Variants in PPM1F observed in about 807,000 individuals in gnomAD.
PPM1F encodes the protein protein phosphatase, Mg2+/Mn2+ dependent 1F.
PPM1F carries 17 observed loss-of-function variants against 35.5 expected under a neutral mutation model. The ratio of observed to expected loss-of-function variants is 0.48; its 90% CI spans 0.33 to 0.72. The LOEUF is 0.72. PPM1F is among the 30% of genes least tolerant of loss of function. PPM1F has a pLI of 0.02. For synonymous variants in PPM1F, 241 were observed against 255.5 expected (o/e 0.94, Z 0.54); for missense variants, 521 against 613.0 (o/e 0.85, Z 1.59).
rs2070704973 is a variant in PPM1F at position 21,939,735 on chromosome 22, G to A, written c.207-55C>T. ...AGCCCCCAGCAGGAGACCACACCTA[G>A]CCCCCCTTCCCCAACTGTCAGCCCA... On this transcript the variant is annotated intron_variant, in intron 2 of 7. Transcript: ENST00000263212. The surrounding 1 kb of genome is among the most constrained non-coding windows in gnomAD (Gnocchi z 5.1). 1.9e-6 allele frequency: 3 copies of A among 1,542,714 alleles called. No individual in the cohort carries two copies. Among genetic ancestry groups the A allele is most frequent in the Non-Finnish European group, 2.6e-6 (3 of 1,141,216 alleles).
chr22:21,930,613 C>T (rs1316870693), intron 6 of PPM1F, among the ~76,000 whole-genome samples: 2 of 152,190 alleles, frequency 1.3e-5, no homozygotes, highest in African/African-American at 4.8e-5. Context: ...GAGGGATAAA[C>T]AGTCATTCCA....
At chr22:21,931,315 G>A (rs763164421) in intron 5 of PPM1F, 24 bp from the exon 6 acceptor site, 3 of 1,604,910 alleles carry the variant, frequency 1.9e-6, no homozygotes, top group Middle Eastern at 1.7e-4. Context: ...GGGCCCATGA[G>A]AGTTGAGAGG....
chr22:21,937,479 A>G (rs577891816), intron 3 of PPM1F, among the ~76,000 whole-genome samples: 18 of 152,322 alleles, frequency 1.2e-4, no homozygotes, highest in African/African-American at 4.3e-4. Flanking sequence ...GGCCCAGCTC[A>G]GGGAAGGCAG....
intron 1 of PPM1F, chr22:21,950,979 AATAAT>A (rs1366797927): frequency 6.6e-6 from 1 of 152,198 alleles, no homozygotes; most frequent in Non-Finnish European, 1.5e-5. Flanking sequence ...TACTAATACT[AATAAT>A]AGTTAGATGT....
intron 6 of PPM1F, among the ~76,000 whole-genome samples, chr22:21,926,787 C>G (rs946129598): frequency 2.0e-5 from 3 of 152,212 alleles, no homozygotes; most frequent in Non-Finnish European, 4.4e-5. Context: ...ACAGCACCAG[C>G]TGGGCATGAG....
chr22:21,948,303 C>CG (rs1267372239), intron 1 of PPM1F: 1 of 51,510 alleles, frequency 1.9e-5, no homozygotes, highest in African/African-American at 1.0e-4. Context: ...AGATCGCCAC[C>CG]CCCCCCCCAC....
At chr22:21,937,083 G>C (rs1009434474) in intron 3 of PPM1F, 1 of 152,232 alleles carries the variant, frequency 6.6e-6, no homozygotes, top group African/African-American at 2.4e-5. Flanking sequence ...TGGAACTCCT[G>C]CCAGCCCAGG....
intron 6 of PPM1F, chr22:21,926,009 C>G (rs1194736609): frequency 1.0e-4 from 27 of 260,462 alleles, no homozygotes; most frequent in Admixed American, 8.6e-4. Flanking sequence ...TTCCCTGTCT[C>G]TAGCTCGGGG....
At chr22:21,937,655 T>C (rs1346800087) in intron 3 of PPM1F, 1 of 155,292 alleles carries the variant, frequency 6.4e-6, no homozygotes, top group Non-Finnish European at 1.4e-5. Context: ...CTGGAAACTG[T>C]GGGCTCCTGG....
chr22:21,939,616 C>A lies in PPM1F; in HGVS notation c.271G>T (p.Asp91Tyr). The A allele has an allele frequency of 6.4e-7, 1 of 1,561,370 alleles. No individual in the cohort carries two copies. The highest frequency in any genetic ancestry group is 2.4e-5 in the East Asian group (1 of 42,244). The change falls in exon 3 of 8, where the codon GAC (aspartate) becomes TAC (tyrosine). Residue 91 changes from aspartate to tyrosine, a missense_variant. Around this residue, in one of 3 missense-constraint regions of PPM1F, gnomAD observed 311 missense variants for 351.5 expected, o/e 0.88. Transcript: ENST00000263212. The surrounding 1 kb of genome is among the most constrained non-coding windows in gnomAD (Gnocchi z 5.1). Reference sequence around the variant, plus strand: ...GGCAACTTCCTGAATTCGGAAAGGTCTGTCTGTAGCAGCTGTGAAACTGCT... The same window carrying A: ...GGCAACTTCCTGAATTCGGAAAGGTATGTCTGTAGCAGCTGTGAAACTGCT... ...HEAVSQLLQT[D>Y]LSEFRKLPRE...
Position 21,946,264 on chromosome 22 carries a change from C to A in PPM1F, c.-60-156G>T, listed in dbSNP as rs1016658520. On this transcript the variant is annotated intron_variant, in intron 1 of 7. Coordinates refer to ENST00000263212, the MANE Select transcript of PPM1F (RefSeq NM_014634.4). ...CCTGGCCACTGTTTTGACATGAGTC[C>A]AGGTGGGGACTTGTGGGCATCCAGA... The A allele has an allele frequency of 5.7e-5, 24 of 420,756 alleles. No homozygotes were observed. The Middle Eastern group carries it at 3.6e-3, about 63-fold the overall frequency. 26.1% of individuals were successfully genotyped at this position (420,756 alleles called of 1,614,324 possible).
rs557165928 is a variant in PPM1F, at chr22:21,920,735, G to C, written c.*2357C>G. ...ATCTTCCAGTGGAGCCTCAGGCTAG[G>C]GTATGAATCAGACCACCAGGTGATA... On this transcript the variant is annotated 3_prime_UTR_variant, in exon 8 of 8. Coordinates refer to ENST00000263212, the MANE Select transcript of PPM1F (RefSeq NM_014634.4). 10 of 152,328 alleles carry C rather than the reference G, an allele frequency of 6.6e-5. No homozygotes were observed. The highest frequency in any genetic ancestry group is 2.4e-4 in the African/African-American group (10 of 41,566). The allele number at this position is 152,328 out of a possible 1,614,324, so 9.4% of individuals were successfully genotyped here. A position where few individuals can be genotyped will look rare whatever the true frequency, so the allele number is the denominator to read the frequency against.
chr22:21,928,034 G>C (rs1290034970), intron 6 of PPM1F, among the ~76,000 whole-genome samples: 1 of 131,530 alleles, frequency 7.6e-6, no homozygotes, highest in East Asian at 2.6e-4. Flanking sequence ...GCTCACTGCA[G>C]CCTCGACCTC....
chr22:21,948,989 T>C, intron 1 of PPM1F: 1 of 152,368 alleles, frequency 6.6e-6, no homozygotes, highest in African/African-American at 2.4e-5. Flanking sequence ...ACAATCGGCC[T>C]GTTCCCTCAG....
In PPM1F at chr22:21,923,265, G is replaced by A. The variant is rs745310134; in HGVS notation, c.1192C>T (p.Arg398Trp). The A allele has an allele frequency of 1.1e-5, 17 of 1,613,278 alleles. No individual in the cohort carries two copies. Among genetic ancestry groups the A allele is most frequent in the East Asian group, 6.7e-5 (3 of 44,888 alleles). ...RVAEELVAAA[R>W]ERGSHDNITV... is the part of the protein sequence containing the mutation. ...ATGTTGTCGTGGGAGCCCCGCTCCC[G>A]GGCCGCAGCCACCAGCTCCTCGGCG... Residue 398 changes from arginine (R) to tryptophan (W), a missense_variant, in exon 8 of 8, where the codon CGG (arginine) becomes TGG (tryptophan). Arg to Trp is a moderately radical substitution (Grantham distance 101). This residue lies in a region of PPM1F where 163 missense variants were observed against 169.6 expected (regional missense o/e 0.96). Coordinates refer to ENST00000263212, the MANE Select transcript of PPM1F (RefSeq NM_014634.4).
chr22:21,931,674 G>A (rs1239599294), intron 5 of PPM1F, among the ~76,000 whole-genome samples: 1 of 151,962 alleles, frequency 6.6e-6, no homozygotes, highest in Admixed American at 6.6e-5. Context: ...CACCACGCCT[G>A]GCTAATTTTT....
intron 1 of PPM1F, chr22:21,946,880 G>A (rs980885207): frequency 1.3e-5 from 2 of 152,166 alleles, no homozygotes; most frequent in African/African-American, 4.8e-5. Context: ...TGCGGCATGT[G>A]GGCTCTTCCT....
At position 21,944,962 on chromosome 22, in the gene PPM1F, C is replaced by T. The variant is rs184870291; in HGVS notation, c.206+881G>A. On this transcript the variant is annotated intron_variant, in intron 2 of 7. Coordinates refer to ENST00000263212, the MANE Select transcript of PPM1F (RefSeq NM_014634.4). Reference sequence around the variant, plus strand: ...GGACAGTGCCAGCTATCTCTCAGATCGTGGTGGCTGGGGTGCCATGTGGCT... The same window carrying T: ...GGACAGTGCCAGCTATCTCTCAGATTGTGGTGGCTGGGGTGCCATGTGGCT... The T allele has an allele frequency of 1.3e-3, 191 of 152,408 alleles. 1 individual carries two copies. Among genetic ancestry groups the T allele is most frequent in the African/African-American group, 4.2e-3 (174 of 41,592 alleles). 9.4% of individuals were successfully genotyped at this position (152,408 alleles called of 1,614,324 possible). A position where few individuals can be genotyped will look rare whatever the true frequency, so the allele number is the denominator to read the frequency against.
rs891075388 is a variant in PPM1F at position 21,952,772 on chromosome 22, G to C, written c.-61+20C>G. 2 of 151,598 alleles carry C rather than the reference G, an allele frequency of 1.3e-5. No individual in the cohort carries two copies. The highest frequency in any genetic ancestry group is 4.2e-4 in the South Asian group (2 of 4,772). 9.4% of individuals were successfully genotyped at this position (151,598 alleles called of 1,614,324 possible). A position where few individuals can be genotyped will look rare whatever the true frequency, so the allele number is the denominator to read the frequency against. On this transcript the variant is annotated intron_variant, in intron 1 of 7. Coordinates refer to ENST00000263212, the MANE Select transcript of PPM1F (RefSeq NM_014634.4). The stretch of plus-strand genomic sequence containing the variant: ...CCAGCCCCGTCAGCCCTCTAATCCC[G>C]TCCCCCCCGGCCTCCTCACCCCTGG...
Sources: allele counts gnomAD v4.1 joint callset (sites outside exome capture counted in the v4.1 genomes callset), GRCh38; gene constraint gnomAD v4.1.1; regional missense constraint gnomAD v4.1.1; non-coding constraint Gnocchi (gnomAD v3.1); transcripts MANE v1.5; gene names NCBI Gene and HGNC (gene_info 2026-07-23, HGNC 2026-07-21).